The following TBC1D20 variants were observed in gnomAD, a reference collection of about 807,000 sequenced individuals.
The protein encoded by TBC1D20 is chromosome 20 open reading frame 140.
In TBC1D20, 12 loss-of-function variants were observed where a neutral mutation model predicts 41.6. The observed-to-expected ratio is 0.29, with a 90% CI of 0.18 to 0.47. The LOEUF is 0.47. Ranked by LOEUF, TBC1D20 falls within the 20% of genes least tolerant of loss-of-function variation. The probability of loss-of-function intolerance (pLI) is 1.00; values close to 1 mark genes in which losing one functional copy is unlikely to be tolerated. For missense variants in TBC1D20, 421 were observed against 517.4 expected (o/e 0.81, Z 1.81); for synonymous variants, 205 against 204.8 (o/e 1.00, Z -0.01).
rs972764015 is a variant in TBC1D20, at chr20:440,377, C to T, written c.639G>A (p.Gly213=). The part of the protein sequence containing the change: ...LHDFMQSAEV[G]TIFALSWLIT... ...TGAGCCAGCTGAGGGCAAAGATGGT[C>T]CCTACCTCAGCACTAGAAACAAAGG... The change falls in exon 6 of 8, where the codon GGG becomes GGA. Residue 213 remains glycine, a synonymous_variant. Coordinates refer to ENST00000354200, the MANE Select transcript of TBC1D20 (RefSeq NM_144628.4). 1 of 1,614,082 alleles carries T rather than the reference C, an allele frequency of 6.2e-7. No homozygotes were observed. The highest frequency in any genetic ancestry group is 1.3e-5 in the African/African-American group (1 of 75,020).
intron 1 of TBC1D20, among the ~76,000 whole-genome samples, chr20:458,517 T>C (rs2017579896): frequency 6.6e-6 from 1 of 152,028 alleles, no homozygotes; most frequent in South Asian, 2.1e-4. Context: ...AAAAAAGTGT[T>C]GCCCAGGCTG....
Position 439,075 on chromosome 20 carries a change from C to T in TBC1D20, c.956+33G>A. The T allele has an allele frequency of 6.3e-7, 1 of 1,585,142 alleles. No individual in the cohort carries two copies. Among genetic ancestry groups the T allele is most frequent in the Non-Finnish European group, 8.6e-7 (1 of 1,165,098 alleles). On this transcript the variant is annotated intron_variant, in intron 7 of 7. Transcript: ENST00000354200. This position sits in a 1 kb window ranked among gnomAD's most constrained non-coding sequence, Gnocchi z 4.6. ...CCTCGCTTCTGCTCATTTACAGCCA[C>T]CCCCATTCAACCAGTGTCCCAGCCT...
intron 1 of TBC1D20, among the ~76,000 whole-genome samples, chr20:458,588 C>T (rs2017580976): frequency 1.3e-5 from 2 of 152,170 alleles, no homozygotes; most frequent in Admixed American, 1.3e-4. Flanking sequence ...GCTGGGATTA[C>T]AGGCGTTGAG....
At chr20:444,710 TTAAGA>T (rs1393260546) in intron 3 of TBC1D20, among the ~76,000 whole-genome samples, 5 of 152,352 alleles carry the variant, frequency 3.3e-5, no homozygotes, top group African/African-American at 4.8e-5. Context: ...TTAAACCTAA[TTAAGA>T]TATTACTCAT....
In TBC1D20 at chr20:438,018, G is replaced by A. The variant is rs931018596; in HGVS notation, c.*568C>T. 5 of 152,736 alleles carry A rather than the reference G, an allele frequency of 3.3e-5. No homozygotes were observed. The highest frequency in any genetic ancestry group is 1.9e-4 in the East Asian group (1 of 5,184). The allele number at this position is 152,736 out of a possible 1,614,324, so 9.5% of individuals were successfully genotyped here. A position where few individuals can be genotyped will look rare whatever the true frequency, so the allele number is the denominator to read the frequency against. ...AGGCTGAAAATAGGTAGGATTTAAC[G>A]AGTAACCTAGTTCCCTTCTGTCTCT... On this transcript the variant is annotated 3_prime_UTR_variant, in exon 8 of 8. Transcript: ENST00000354200.
intron 1 of TBC1D20, among the ~76,000 whole-genome samples, chr20:449,265 G>A (rs2017398856): frequency 9.8e-6 from 1 of 102,358 alleles, no homozygotes; most frequent in African/African-American, 4.1e-5. Context: ...TGATTCTCCT[G>A]TCTCAGCCTC....
intron 2 of TBC1D20, among the ~76,000 whole-genome samples, chr20:447,559 G>C (rs888184099): frequency 5.3e-5 from 8 of 152,058 alleles, no homozygotes; most frequent in African/African-American, 1.9e-4. Flanking sequence ...TAGGAAGGCT[G>C]AGGCAGGAAA....
intron 5 of TBC1D20, chr20:440,837 T>A (rs2017214503): frequency 6.4e-6 from 1 of 155,928 alleles, no homozygotes; most frequent in South Asian, 1.9e-4. Context: ...ACGCCTATAA[T>A]CTCAGCACTT....
intron 1 of TBC1D20, among the ~76,000 whole-genome samples, chr20:449,049 G>A (rs912099120): frequency 6.0e-5 from 9 of 149,880 alleles, no homozygotes; most frequent in East Asian, 2.1e-4. Flanking sequence ...CGTTCACAAC[G>A]TTGGCCAGGG....
chr20:446,643 A>G (rs905741744), intron 2 of TBC1D20, among the ~76,000 whole-genome samples: 4 of 152,008 alleles, frequency 2.6e-5, no homozygotes, highest in African/African-American at 9.7e-5. Flanking sequence ...GCCCGGACAA[A>G]AGAGGGTGTT....
chr20:442,006 T>C lies in TBC1D20; in HGVS notation c.375A>G (p.Glu125=). The C allele has an allele frequency of 6.2e-7, 1 of 1,614,002 alleles. No individual in the cohort carries two copies. Among genetic ancestry groups the C allele is most frequent in the Non-Finnish European group, 8.5e-7 (1 of 1,179,976 alleles). Residue 125 remains glutamate, a synonymous_variant, in exon 4 of 8, where the codon GAA becomes GAG. Coordinates refer to ENST00000354200, the MANE Select transcript of TBC1D20 (RefSeq NM_144628.4). ...AGATGAGGAGGATGATGTCAATCAG[T>C]TCTTCCTGGAGCCCTTCTCTCTGTT... is the stretch of plus-strand genomic sequence containing the variant. ...PEEQREGLQE[E]LIDIILLILE...
chr20:448,029 GCC>G lies in TBC1D20; in HGVS notation c.114_115del (p.Gln38HisfsTer5). The G allele has an allele frequency of 6.2e-7, 1 of 1,614,074 alleles. No homozygotes were observed. The highest frequency in any genetic ancestry group is 8.5e-7 in the Non-Finnish European group (1 of 1,179,926). On this transcript the variant is annotated frameshift_variant, in exon 2 of 8. Coordinates refer to ENST00000354200, the MANE Select transcript of TBC1D20 (RefSeq NM_144628.4). LOFTEE classifies it high-confidence loss of function. ...CACATCAGTGGGATCACTGTTCAGA[GCC>G]TGGTGTATCTCTGCCACTTTCTTTT...
At chr20:455,065 G>T (rs761237490) in intron 1 of TBC1D20, among the ~76,000 whole-genome samples, 11 of 152,280 alleles carry the variant, frequency 7.2e-5, no homozygotes, top group Non-Finnish European at 1.5e-4. Flanking sequence ...AGAGGCACTA[G>T]CTGGTTTGGA....
Position 453,539 on chromosome 20 carries a change from C to CTTTTTT in TBC1D20, c.71-5466_71-5465insAAAAAA, listed in dbSNP as rs1198052752. Among the ~76,000 whole-genome samples the CTTTTTT allele has an allele frequency of 3.1e-4, 34 of 109,720 alleles. 4 individuals are homozygous for CTTTTTT. Among genetic ancestry groups the CTTTTTT allele is most frequent in the African/African-American group, 4.7e-4 (12 of 25,772 alleles). 72.0% of individuals were successfully genotyped at this position (109,720 alleles called of 152,430 possible). The stretch of plus-strand genomic sequence containing the variant: ...ACGGTGGCTCGTGCCTGTAATCCAG[C>CTTTTTT]ATTTTTTTTTTTTTTTTTTTTTTTG... On this transcript the variant is annotated intron_variant, in intron 1 of 7. Transcript: ENST00000354200.
intron 1 of TBC1D20, among the ~76,000 whole-genome samples, chr20:451,071 T>C (rs1234483859): frequency 6.6e-6 from 1 of 152,148 alleles, no homozygotes; most frequent in African/African-American, 2.4e-5. Context: ...GGCAGTAGAC[T>C]ATAATTGTCA....
At chr20:453,750 C>A (rs2017493371) in intron 1 of TBC1D20, among the ~76,000 whole-genome samples, 1 of 144,676 alleles carries the variant, frequency 6.9e-6, no homozygotes, top group African/African-American at 2.6e-5. Context: ...CAGGGTTTCA[C>A]CATGTTGGTC....
At chr20:454,381 G>A (rs1296987624) in intron 1 of TBC1D20, among the ~76,000 whole-genome samples, 1 of 152,166 alleles carries the variant, frequency 6.6e-6, no homozygotes, top group African/African-American at 2.4e-5. Flanking sequence ...CAGGGGCTGG[G>A]ATGAAGGGTA....
chr20:441,510 G>T, intron 5 of TBC1D20, 78 bp downstream of exon 5: 1 of 1,277,376 alleles, frequency 7.8e-7, no homozygotes, highest in South Asian at 1.2e-5. Flanking sequence ...ACTGCGCTCG[G>T]CTTGTGAGGA....
intron 1 of TBC1D20, among the ~76,000 whole-genome samples, chr20:455,810 T>C (rs1172687779): frequency 6.6e-6 from 1 of 151,476 alleles, no homozygotes; most frequent in Non-Finnish European, 1.5e-5. Flanking sequence ...CAGGTGCCTG[T>C]AATCCTAGTT....
Sources: gnomAD v4.1 joint callset for allele counts (sites outside exome capture counted in the v4.1 genomes callset) on GRCh38, gnomAD v4.1.1 for gene constraint, Gnocchi (gnomAD v3.1) non-coding constraint, MANE v1.5 for transcripts, NCBI Gene and HGNC (gene_info 2026-07-23, HGNC 2026-07-21) for gene names.